Variants in GRAMD4 observed in about 807,000 individuals in gnomAD.
GRAMD4 encodes GRAM domain containing 4, also known as GRAM domain-containing protein 4.
GRAMD4 carries 25 observed loss-of-function variants against 83.9 expected under a neutral mutation model. That is an observed-to-expected ratio of 0.30 (90% CI 0.22 to 0.42). The LOEUF (loss-of-function observed/expected upper bound fraction) is 0.42. Ranked by LOEUF, GRAMD4 falls within the 10% of genes least tolerant of loss-of-function variation. GRAMD4 has a pLI of 1.00. For synonymous variants in GRAMD4, 336 were observed against 320.9 expected (o/e 1.05, Z -0.50); for missense variants, 593 against 788.7 (o/e 0.75, Z 2.97).
At chr22:46,632,843 G>A (rs972347113) in intron 2 of GRAMD4, among the ~76,000 whole-genome samples, 3 of 152,190 alleles carry the variant, frequency 2.0e-5, no homozygotes, top group Admixed American at 6.5e-5. Context: ...CGGGTCACCC[G>A]CACGACGCTG....
intron 13 of GRAMD4, among the ~76,000 whole-genome samples, chr22:46,671,341 G>A (rs374289763): frequency 9.9e-5 from 15 of 152,196 alleles, no homozygotes; most frequent in East Asian, 5.8e-4. Context: ...TCAGGAGTTC[G>A]AGACCAGCCC....
chr22:46,677,280 TTTTC>T lies in GRAMD4; in HGVS notation c.*33_*36del. The T allele has an allele frequency of 6.4e-7, 1 of 1,552,402 alleles. No homozygotes were observed. The highest frequency in any genetic ancestry group is 8.6e-7 in the Non-Finnish European group (1 of 1,158,096). The stretch of plus-strand genomic sequence containing the variant: ...TGACTTGCCCAGGACGTTGCTGGAA[TTTTC>T]TTTTTCTTTTTCTTTTTCTTTTTTT... On this transcript the variant is annotated 3_prime_UTR_variant, in exon 19 of 19. Transcript: ENST00000406902.
intron 1 of GRAMD4, among the ~76,000 whole-genome samples, chr22:46,608,696 C>T (rs118023093): frequency 0.03 from 4,613 of 151,750 alleles, 98 homozygotes; most frequent in Non-Finnish European, 0.043. Flanking sequence ...TGTGTGTGTG[C>T]GTAGCTGGCC....
chr22:46,680,453 C>T (rs979935809), downstream of GRAMD4, among the ~76,000 whole-genome samples: 6 of 152,006 alleles, frequency 3.9e-5, no homozygotes, highest in Non-Finnish European at 7.4e-5. Flanking sequence ...TAGTGGGCCA[C>T]GCCACCCTAA....
intron 3 of GRAMD4, among the ~76,000 whole-genome samples, chr22:46,650,564 T>C (rs1601635420): frequency 6.6e-6 from 1 of 152,154 alleles, no homozygotes; most frequent in South Asian, 2.1e-4. Context: ...GTTCTGGGGG[T>C]TGCCCCGGAG....
upstream of GRAMD4, among the ~76,000 whole-genome samples, chr22:46,616,450 A>G (rs377477486): frequency 1.9e-4 from 16 of 85,336 alleles, no homozygotes; most frequent in East Asian, 4.0e-4. Context: ...CTGTGCGTGT[A>G]GGTTCCCCCG....
chr22:46,648,715 GATGGATGGATGC>G (rs1215113838), intron 3 of GRAMD4, among the ~76,000 whole-genome samples: 67 of 146,732 alleles, frequency 4.6e-4, no homozygotes, highest in African/African-American at 1.5e-3. Context: ...TGGATGGATG[GATGGATGGATGC>G]ATGGATGGAT....
intron 3 of GRAMD4, among the ~76,000 whole-genome samples, chr22:46,654,393 G>A (rs964363442): frequency 1.9e-4 from 29 of 152,218 alleles, no homozygotes; most frequent in Non-Finnish European, 3.8e-4. Context: ...TCAGGGCAGG[G>A]TGTTGTCCCC....
chr22:46,672,859 C>G lies in GRAMD4; in HGVS notation c.1101C>G (p.Ile367Met). The G allele has an allele frequency of 6.2e-7, 1 of 1,612,660 alleles. No individual in the cohort carries two copies. Among genetic ancestry groups the G allele is most frequent in the South Asian group, 1.1e-5 (1 of 91,058 alleles). The change falls in exon 14 of 19, where the codon ATC becomes ATG. Residue 367 changes from isoleucine (I) to methionine (M), a missense_variant. Physicochemically the swap from Ile to Met is conservative, Grantham distance 10. Coordinates refer to ENST00000406902, the MANE Select transcript of GRAMD4 (RefSeq NM_015124.5). This position sits in a 1 kb window ranked among gnomAD's most constrained non-coding sequence, Gnocchi z 4.7. ...VGLAVGLYAG[I>M]KFFLIDFIFK... Reference sequence around the variant, plus strand: ...TGCCCTCAGGACTCTATGCTGGTATCAAGTTCTTCCTCATTGATTTCATCT... The same window carrying G: ...TGCCCTCAGGACTCTATGCTGGTATGAAGTTCTTCCTCATTGATTTCATCT...
intron 3 of GRAMD4, among the ~76,000 whole-genome samples, 169 bp from the exon 4 acceptor site, chr22:46,658,018 T>A (rs1274641847): frequency 1.3e-5 from 2 of 152,152 alleles, no homozygotes; most frequent in Admixed American, 6.5e-5. Flanking sequence ...GACCAGTTCA[T>A]GTCCTGCTGT....
intron 1 of GRAMD4, among the ~76,000 whole-genome samples, chr22:46,603,590 C>T (rs1320970594): frequency 1.4e-5 from 2 of 143,328 alleles, no homozygotes; most frequent in East Asian, 2.1e-4. Flanking sequence ...GATCCTGGCT[C>T]ACTGCAAGCT....
chr22:46,596,098 T>G (rs1209429457), intron 1 of GRAMD4, among the ~76,000 whole-genome samples: 1 of 152,244 alleles, frequency 6.6e-6, no homozygotes, highest in Non-Finnish European at 1.5e-5. Flanking sequence ...TCATTGTGCA[T>G]AGTTCTGGAT....
At chr22:46,680,859 CACCCACCCACCCACCTATCCATCTACCT>C (rs2082666418), downstream of GRAMD4, among the ~76,000 whole-genome samples, 1 of 92,626 alleles carries the variant, frequency 1.1e-5, no homozygotes, top group African/African-American at 4.9e-5. Context: ...TCTTTCCACC[CACCCACCCACCCACCTATCCATCTACCT>C]ACCCATCCAT....
chr22:46,602,030 G>A (rs1449168111), intron 1 of GRAMD4, among the ~76,000 whole-genome samples: 7 of 152,146 alleles, frequency 4.6e-5, no homozygotes. Flanking sequence ...ACATGGCCAG[G>A]CACGTGCTGG....
chr22:46,663,323 T>C lies in GRAMD4; in HGVS notation c.599+151T>C, dbSNP rs2082358412. 9 of 770,072 alleles carry C rather than the reference T, an allele frequency of 1.2e-5. No individual in the cohort carries two copies. The South Asian group carries it at 1.4e-4, about 12-fold the overall frequency. The allele number at this position is 770,072 out of a possible 1,614,324, so 47.7% of individuals were successfully genotyped here. On this transcript the variant is annotated intron_variant, in intron 6 of 18. Coordinates refer to ENST00000406902, the MANE Select transcript of GRAMD4 (RefSeq NM_015124.5). ...CTGGAGGCTCCGCTGTGTCTGGTCTTCTGGGGGCCGTGCCTGGCAGGGGCT... is the reference window on the plus strand; with the variant it reads ...CTGGAGGCTCCGCTGTGTCTGGTCTCCTGGGGGCCGTGCCTGGCAGGGGCT...
Position 46,579,761 on chromosome 22 carries a change from T to C in GRAMD4, c.-50+2471T>C, listed in dbSNP as rs1373377263. On this transcript the variant is annotated intron_variant, in intron 1 of 1. Coordinates refer to the GRAMD4 transcript ENST00000431155. ...CGAATCTACTGGGGTTTATTTGGCA[T>C]TGGGGTTCCAGTCCTGTCATGACAG... 2.0e-5 allele frequency among the ~76,000 whole-genome samples: 3 copies of C among 152,254 alleles called. No individual in the cohort carries two copies. The East Asian group carries it at 5.8e-4, about 29-fold the overall frequency.
intron 1 of GRAMD4, among the ~76,000 whole-genome samples, chr22:46,597,536 C>T (rs2081273466): frequency 6.6e-6 from 1 of 152,200 alleles, no homozygotes; most frequent in African/African-American, 2.4e-5. Flanking sequence ...GTCGCCCAGG[C>T]TGGAGTGCAG....
chr22:46,626,373 C>T (rs527759332), intron 1 of GRAMD4, among the ~76,000 whole-genome samples: 39 of 152,170 alleles, frequency 2.6e-4, no homozygotes, highest in Middle Eastern at 3.4e-3. Context: ...GCCTGCGCGC[C>T]GCCTCGCCGA....
intron 1 of GRAMD4, among the ~76,000 whole-genome samples, chr22:46,580,001 C>G (rs2081081784): frequency 6.6e-6 from 1 of 152,308 alleles, no homozygotes. Context: ...CACCCCCTGC[C>G]TGAGTTCCTG....
Sources: gnomAD v4.1 joint callset for allele counts (sites outside exome capture counted in the v4.1 genomes callset) on GRCh38, gnomAD v4.1.1 for gene constraint, Gnocchi (gnomAD v3.1) non-coding constraint, MANE v1.5 for transcripts, NCBI Gene and HGNC (gene_info 2026-07-23, HGNC 2026-07-21) for gene names.